The following ZSWIM2 variants were observed in gnomAD, a reference collection of about 807,000 sequenced individuals.
ZSWIM2 encodes the protein E3 ubiquitin-protein ligase ZSWIM2.
Under a neutral mutation model 48.4 loss-of-function variants are expected in ZSWIM2, and 38 were observed. The ratio of observed to expected loss-of-function variants is 0.79; its 90% confidence interval spans 0.61 to 1.03. The LOEUF (loss-of-function observed/expected upper bound fraction) is 1.03. Among genes scored for constraint, ZSWIM2 ranks in the 50% least tolerant of loss-of-function variants. ZSWIM2 has a pLI of 0.00. For synonymous variants in ZSWIM2, 240 were observed against 251.3 expected (o/e 0.96, Z 0.42); for missense variants, 776 against 730.2 (o/e 1.06, Z -0.72).
intron 1 of ZSWIM2, 98 bp from the exon 2 acceptor site, chr2:186,847,893 A>C: frequency 1.3e-6 from 1 of 781,566 alleles, no homozygotes; most frequent in Admixed American, 2.7e-5. Flanking sequence ...AATTTAGTTT[A>C]GGTGATTCAA....
Position 186,828,268 on chromosome 2 carries a change from T to G in ZSWIM2, c.1618A>C (p.Ser540Arg). 6.2e-7 allele frequency: 1 copy of G among 1,613,738 alleles called. No individual in the cohort carries two copies. Among genetic ancestry groups the G allele is most frequent in the Non-Finnish European group, 8.5e-7 (1 of 1,179,822 alleles). Residue 540 changes from serine (S) to arginine (R), a missense_variant, in exon 9 of 9, where the codon AGT becomes CGT. Coordinates refer to ENST00000295131, the MANE Select transcript of ZSWIM2 (RefSeq NM_182521.3). ...SPCISGKFHT[S>R]LSRMTKGCKC... ...CAGCCTTTGGTCATCCGGCTTAGAC[T>G]AGTGTGAAATTTTCCACTGATGCAT...
At chr2:186,839,748 A>G (rs1691868723) in intron 3 of ZSWIM2, among the ~76,000 whole-genome samples, 1 of 151,606 alleles carries the variant, frequency 6.6e-6, no homozygotes, top group Non-Finnish European at 1.5e-5. Context: ...ATTAGTTACT[A>G]TATTGCTTGC....
Position 186,849,137 on chromosome 2 carries a change from T to C in ZSWIM2, c.-7A>G. 6.2e-7 allele frequency: 1 copy of C among 1,604,976 alleles called. No homozygotes were observed. The highest frequency in any genetic ancestry group is 8.5e-7 in the Non-Finnish European group (1 of 1,173,982). ...TATAGCCTCGGCGAAGCATGCTGGGTGCGGGCGGAGGCGGCCCCTCTGCTC... is the reference window on the plus strand; with the variant it reads ...TATAGCCTCGGCGAAGCATGCTGGGCGCGGGCGGAGGCGGCCCCTCTGCTC... On this transcript the variant is annotated 5_prime_UTR_variant, in exon 1 of 9. Transcript: ENST00000295131.
At chr2:186,848,056 A>G (rs1692038234) in intron 1 of ZSWIM2, among the ~76,000 whole-genome samples, 1 of 151,976 alleles carries the variant, frequency 6.6e-6, no homozygotes, top group African/African-American at 2.4e-5. Flanking sequence ...CCAAAGTCAG[A>G]GAAGAAAAAA....
At position 186,828,248 on chromosome 2, in the gene ZSWIM2, T is replaced by G; in HGVS notation, c.1638A>C (p.Lys546Asn). 1 of 1,613,670 alleles carries G rather than the reference T, an allele frequency of 6.2e-7. No individual in the cohort carries two copies. Among genetic ancestry groups the G allele is most frequent in the South Asian group, 1.1e-5 (1 of 91,068 alleles). ...GGTTGTGGTTATTACATTTACAGCC[T>G]TTGGTCATCCGGCTTAGACTAGTGT... is the stretch of plus-strand genomic sequence containing the variant. ...KFHTSLSRMTKGCKCNNHNLK... is the reference protein window; with the variant it reads ...KFHTSLSRMTNGCKCNNHNLK... Residue 546 changes from lysine (K) to asparagine (N), a missense_variant, in exon 9 of 9, where the codon AAA (lysine) becomes AAC (asparagine). Coordinates refer to ENST00000295131, the MANE Select transcript of ZSWIM2 (RefSeq NM_182521.3).
chr2:186,835,844 A>G (rs942849950), intron 5 of ZSWIM2, among the ~76,000 whole-genome samples: 2 of 152,206 alleles, frequency 1.3e-5, no homozygotes, highest in East Asian at 1.9e-4. Flanking sequence ...GAATGGAGAC[A>G]GAGATGAGTA....
intron 1 of ZSWIM2, chr2:186,848,687 C>G: frequency 2.8e-6 from 1 of 355,126 alleles, no homozygotes; most frequent in East Asian, 5.4e-5. Flanking sequence ...TATTCATACG[C>G]CTCTGACATT....
At chr2:186,846,762 A>G (rs1481290030) in intron 2 of ZSWIM2, among the ~76,000 whole-genome samples, 6 of 146,212 alleles carry the variant, frequency 4.1e-5, no homozygotes, top group African/African-American at 1.6e-4. Context: ...AAAATATACC[A>G]CATTAATAAA....
At chr2:186,848,911 G>A (rs1692051555) in intron 1 of ZSWIM2, 55 bp downstream of exon 1, 5 of 1,607,274 alleles carry the variant, frequency 3.1e-6, no homozygotes, top group Non-Finnish European at 3.4e-6. Context: ...TGCCAGTGGG[G>A]GAACCTGGTG....
Position 186,849,136 on chromosome 2 carries a change from GT to G in ZSWIM2, c.-7del. 1.9e-6 allele frequency: 3 copies of G among 1,605,434 alleles called. No homozygotes were observed. Among genetic ancestry groups the G allele is most frequent in the Non-Finnish European group, 2.6e-6 (3 of 1,174,230 alleles). ...TTATAGCCTCGGCGAAGCATGCTGG[GT>G]GCGGGCGGAGGCGGCCCCTCTGCTC... On this transcript the variant is annotated 5_prime_UTR_variant, in exon 1 of 9. Transcript: ENST00000295131.
chr2:186,833,259 TTTGCAAAGTCGTGGATATTTTCA>T, intron 6 of ZSWIM2, 27 bp from the exon 7 acceptor site: 1 of 1,180,300 alleles, frequency 8.5e-7, no homozygotes. Flanking sequence ...TAGATGTTAC[TTTGCAAAGTCGTGGATATTTTCA>T]TTTTGTGGAG....
chr2:186,849,027 C>T lies in ZSWIM2; in HGVS notation c.104G>A (p.Arg35Gln). ...QALSSSIYLL[R>Q]EMGPTGFLLR... ...CAGGAAGCCAGTGGGGCCCATCTCT[C>T]GTAGGAGGTAGATGCTGCTACTCAG... Residue 35 changes from arginine to glutamine, a missense_variant, in exon 1 of 9, where the codon CGA becomes CAA. Physicochemically the swap from Arg to Gln is conservative, Grantham distance 43. Transcript: ENST00000295131. 6.2e-7 allele frequency: 1 copy of T among 1,614,160 alleles called. No homozygotes were observed.
At position 186,828,338 on chromosome 2, in the gene ZSWIM2, A is replaced by T; in HGVS notation, c.1548T>A (p.Pro516=). Residue 516 remains proline (P), a synonymous_variant, in exon 9 of 9, where the codon CCT becomes CCA. Transcript: ENST00000295131. ...GKIPSQTLLP[P]IVHKNIVCPT... ...GACACACAATATTCTTATGAACAATAGGAGGAAGCAGTGTTTGAGATGGTA... is the reference window on the plus strand; with the variant it reads ...GACACACAATATTCTTATGAACAATTGGAGGAAGCAGTGTTTGAGATGGTA... 1 of 1,613,784 alleles carries T rather than the reference A, an allele frequency of 6.2e-7. No homozygotes were observed. Among genetic ancestry groups the T allele is most frequent in the Non-Finnish European group, 8.5e-7 (1 of 1,179,806 alleles).
chr2:186,827,895 C>A lies in ZSWIM2; in HGVS notation c.*89G>T. On this transcript the variant is annotated 3_prime_UTR_variant, in exon 9 of 9. Coordinates refer to ENST00000295131, the MANE Select transcript of ZSWIM2 (RefSeq NM_182521.3). ...AAATTCCAACAGAGAATTTTATATACATTTGTCAAGACTATGTGTGCTTTT... is the reference window on the plus strand; with the variant it reads ...AAATTCCAACAGAGAATTTTATATAAATTTGTCAAGACTATGTGTGCTTTT... 1 of 1,123,832 alleles carries A rather than the reference C, an allele frequency of 8.9e-7. No individual in the cohort carries two copies. Among genetic ancestry groups the A allele is most frequent in the Non-Finnish European group, 1.2e-6 (1 of 822,160 alleles). 69.6% of individuals were successfully genotyped at this position (1,123,832 alleles called of 1,614,324 possible). A position where few individuals can be genotyped will look rare whatever the true frequency, so the allele number is the denominator to read the frequency against.
intron 2 of ZSWIM2, among the ~76,000 whole-genome samples, chr2:186,847,359 C>G (rs919120731): frequency 6.6e-6 from 1 of 151,970 alleles, no homozygotes; most frequent in Non-Finnish European, 1.5e-5. Flanking sequence ...TTTGGAAACA[C>G]AATTTGTGGA....
intron 5 of ZSWIM2, among the ~76,000 whole-genome samples, chr2:186,834,275 T>C (rs573596827): frequency 7.2e-5 from 11 of 152,254 alleles, no homozygotes; most frequent in Non-Finnish European, 1.5e-4. Context: ...TTTCAATGTG[T>C]TAAAACCAAG....
rs1362759895 is a variant in ZSWIM2 at position 186,829,789 on chromosome 2, G to C, written c.1033C>G (p.Leu345Val). The C allele has an allele frequency of 1.2e-6, 2 of 1,613,648 alleles. No homozygotes were observed. Among genetic ancestry groups the C allele is most frequent in the Admixed American group, 3.3e-5 (2 of 59,962 alleles). The part of the protein sequence containing the change: ...SKLLAPGYQC[L>V]LCLKAFHLGQ... ...AGATGAAATGCCTTCAAACAAAGTAGACACTGGTAGCCTGGAGCAAGCAGC... is the reference window on the plus strand; with the variant it reads ...AGATGAAATGCCTTCAAACAAAGTACACACTGGTAGCCTGGAGCAAGCAGC... Residue 345 changes from leucine (L) to valine (V), a missense_variant, in exon 8 of 9, where the codon CTA becomes GTA. Transcript: ENST00000295131.
At chr2:186,831,841 C>A (rs912457665) in intron 7 of ZSWIM2, among the ~76,000 whole-genome samples, 10 of 151,032 alleles carry the variant, frequency 6.6e-5, no homozygotes, top group African/African-American at 1.9e-4. Context: ...CACATGGACA[C>A]AGGAAGGGGA....
In ZSWIM2 at chr2:186,848,946, G is replaced by A. The variant is rs1168073746; in HGVS notation, c.165+20C>T. On this transcript the variant is annotated intron_variant, in intron 1 of 8. Coordinates refer to ENST00000295131, the MANE Select transcript of ZSWIM2 (RefSeq NM_182521.3). ...GGGCGGGGATGATGGCCAACTGGGG[G>A]CGGTAGGGGCGGTAGTTACTCGGAA... The A allele has an allele frequency of 1.2e-6, 2 of 1,613,460 alleles. No individual in the cohort carries two copies. The highest frequency in any genetic ancestry group is 2.2e-5 in the South Asian group (2 of 91,056).
Sources: allele counts gnomAD v4.1 joint callset (sites outside exome capture counted in the v4.1 genomes callset), GRCh38; gene constraint gnomAD v4.1.1; transcripts MANE v1.5; gene names NCBI Gene and HGNC (gene_info 2026-07-23, HGNC 2026-07-21).